The following CAPZB variants were observed in gnomAD, a reference collection of about 807,000 sequenced individuals.
CAPZB encodes the protein capping actin protein of muscle Z-line subunit beta.
A neutral mutation model predicts 38.1 loss-of-function variants in CAPZB; 2 were observed. That is an observed-to-expected ratio of 0.05 (90% CI 0.02 to 0.17). CAPZB has a LOEUF of 0.17. CAPZB is among the 10% of genes least tolerant of loss of function. CAPZB has a pLI of 1.00. For synonymous variants in CAPZB, 107 were observed against 127.4 expected, an observed-to-expected ratio of 0.84 and a Z score of 1.08; for missense variants, 161 against 334.2, an observed-to-expected ratio of 0.48 and a Z score of 4.04.
chr1:19,377,424 G>A (rs1405889859), intron 4 of CAPZB, among the ~76,000 whole-genome samples: 2 of 152,174 alleles, frequency 1.3e-5, no homozygotes, highest in African/African-American at 2.4e-5. Flanking sequence ...TGTAAAAGGA[G>A]GAACAAAACC....
At chr1:19,409,778 T>C (rs945502923) in intron 2 of CAPZB, among the ~76,000 whole-genome samples, 29 of 152,244 alleles carry the variant, frequency 1.9e-4, no homozygotes, top group African/African-American at 6.8e-4. Context: ...TCCTTGCTTT[T>C]TAATTTTGTG....
chr1:19,413,392 G>A (rs533026644), intron 2 of CAPZB, among the ~76,000 whole-genome samples: 3 of 152,314 alleles, frequency 2.0e-5, no homozygotes, highest in African/African-American at 7.2e-5. Flanking sequence ...GGAGTGTAGT[G>A]GGGTGATCAT....
At chr1:19,374,149 G>C (rs2094133346) in intron 4 of CAPZB, 1 of 152,410 alleles carries the variant, frequency 6.6e-6, no homozygotes, top group Non-Finnish European at 1.5e-5. Flanking sequence ...GCAGGGTACG[G>C]CGGGGGCAGG....
intron 6 of CAPZB, among the ~76,000 whole-genome samples, chr1:19,347,881 T>A (rs551065261): frequency 6.6e-6 from 1 of 152,174 alleles, no homozygotes; most frequent in Non-Finnish European, 1.5e-5. Flanking sequence ...TCCGACGCCT[T>A]TGCTCCTCCT....
chr1:19,363,166 C>T (rs1351375754), intron 4 of CAPZB, among the ~76,000 whole-genome samples: 3 of 151,566 alleles, frequency 2.0e-5, no homozygotes, highest in Non-Finnish European at 2.9e-5. Context: ...ACTGCAGCCT[C>T]GACTTCCTGG....
chr1:19,401,375 T>C, intron 2 of CAPZB, among the ~76,000 whole-genome samples: 1 of 152,102 alleles, frequency 6.6e-6, no homozygotes, highest in South Asian at 2.1e-4. Flanking sequence ...AGGGAAAGCT[T>C]TGCAAAGCCC....
intron 1 of CAPZB, among the ~76,000 whole-genome samples, chr1:19,431,175 A>G (rs1218462888): frequency 1.3e-5 from 2 of 152,220 alleles, no homozygotes; most frequent in African/African-American, 4.8e-5. Flanking sequence ...TTCTGCTTAT[A>G]CAGGTTGAAC....
At chr1:19,449,088 T>C in intron 1 of CAPZB, 3 of 1,436,016 alleles carry the variant, frequency 2.1e-6, no homozygotes, top group Non-Finnish European at 2.7e-6. Flanking sequence ...ATGGTTTTCA[T>C]TTGCAGATGA....
At chr1:19,344,489 C>G in intron 7 of CAPZB, 55 bp from the exon 8 acceptor site, 1 of 1,356,084 alleles carries the variant, frequency 7.4e-7, no homozygotes, top group Non-Finnish European at 1.1e-6. Flanking sequence ...CTGAGGCCCA[C>G]GCCCTCCCTC....
At chr1:19,428,894 C>A (rs6702374) in intron 1 of CAPZB, among the ~76,000 whole-genome samples, 49,931 of 151,996 alleles carry the variant, frequency 0.33, 8,317 homozygotes, top group Middle Eastern at 0.39. Context: ...AAGAACTACA[C>A]CATCCTCCTA....
chr1:19,393,758 C>G (rs913568343), intron 2 of CAPZB, among the ~76,000 whole-genome samples: 4 of 152,252 alleles, frequency 2.6e-5, no homozygotes, highest in Non-Finnish European at 5.9e-5. Context: ...CTGGGAAGGG[C>G]TGCAGGGCTG....
chr1:19,449,230 A>G, intron 1 of CAPZB: 1 of 1,121,108 alleles, frequency 8.9e-7, no homozygotes, highest in African/African-American at 1.6e-5. Context: ...GAACCAGGAC[A>G]ACAGGAACAA....
intron 2 of CAPZB, among the ~76,000 whole-genome samples, chr1:19,411,895 T>C (rs527351143): frequency 5.9e-5 from 9 of 152,216 alleles, no homozygotes; most frequent in African/African-American, 2.2e-4. Flanking sequence ...GGTCCTCAGG[T>C]TGATAACAGG....
At chr1:19,339,679 T>C in intron 8 of CAPZB, 62 bp from the exon 9 acceptor site, 1 of 1,252,764 alleles carries the variant, frequency 8.0e-7, no homozygotes, top group Non-Finnish European at 1.2e-6. Flanking sequence ...GGTGGAGGCC[T>C]GGGGGCCACC....
At chr1:19,405,908 C>T (rs573676968) in intron 2 of CAPZB, among the ~76,000 whole-genome samples, 2 of 152,306 alleles carry the variant, frequency 1.3e-5, no homozygotes, top group Middle Eastern at 3.4e-3. Flanking sequence ...GCTTCACAAG[C>T]GCTGCTCACA....
intron 1 of CAPZB, among the ~76,000 whole-genome samples, chr1:19,446,969 G>C (rs781027086): frequency 6.6e-6 from 1 of 152,066 alleles, no homozygotes; most frequent in Non-Finnish European, 1.5e-5. Flanking sequence ...TCTATGGTTT[G>C]TACTGTGCAA....
chr1:19,414,585 G>A (rs2094371255), intron 2 of CAPZB, among the ~76,000 whole-genome samples: 1 of 152,220 alleles, frequency 6.6e-6, no homozygotes, highest in Non-Finnish European at 1.5e-5. Context: ...TTCTTGCCTA[G>A]TTAAACAGAT....
At chr1:19,395,912 AGGCGATG>A (rs2094265286) in intron 2 of CAPZB, among the ~76,000 whole-genome samples, 1 of 152,222 alleles carries the variant, frequency 6.6e-6, no homozygotes, top group African/African-American at 2.4e-5. Context: ...GCCTACAGCC[AGGCGATG>A]GCCTCAGGCT....
intron 4 of CAPZB, among the ~76,000 whole-genome samples, chr1:19,369,726 G>A (rs2094109914): frequency 6.6e-6 from 1 of 152,202 alleles, no homozygotes; most frequent in African/African-American, 2.4e-5. Flanking sequence ...AAGGAAATGA[G>A]AACACAGACC....
Sources: allele counts gnomAD v4.1 joint callset (sites outside exome capture counted in the v4.1 genomes callset), GRCh38; gene constraint gnomAD v4.1.1; transcripts MANE v1.5; gene names NCBI Gene and HGNC (gene_info 2026-07-23, HGNC 2026-07-21).